Variants in MYO16 observed in about 807,000 individuals in gnomAD.
The protein encoded by MYO16 is unconventional myosin-XVI.
In MYO16, 94 loss-of-function variants were observed where a neutral mutation model predicts 205.3. The ratio of observed to expected loss-of-function variants is 0.46; its 90% CI spans 0.39 to 0.54. The LOEUF is 0.54. Ranked by LOEUF, MYO16 falls within the 20% of genes least tolerant of loss-of-function variation. The pLI, the probability that MYO16 is intolerant of heterozygous loss-of-function variation, is 0.00. For synonymous variants in MYO16, 988 were observed against 954.0 expected, an observed-to-expected ratio of 1.04 and a Z score of -0.66; for missense variants, 2,315 against 2,387.5, an observed-to-expected ratio of 0.97 and a Z score of 0.63.
the MYO16 span, among the ~76,000 whole-genome samples, chr13:108,554,930 A>G: frequency 6.6e-6 from 1 of 151,680 alleles, no homozygotes; most frequent in Non-Finnish European, 1.5e-5. Context: ...ATAAACTTGG[A>G]AGAGATCTGG....
At chr13:108,858,152 G>A (rs913276906) in intron 11 of MYO16, among the ~76,000 whole-genome samples, 3 of 152,188 alleles carry the variant, frequency 2.0e-5, no homozygotes, top group Non-Finnish European at 4.4e-5. Context: ...AGTGTGTAGT[G>A]AAAATAAGTG....
At chr13:108,636,301 A>C (rs1249540889) in intron 1 of MYO16, among the ~76,000 whole-genome samples, 1 of 148,724 alleles carries the variant, frequency 6.7e-6, no homozygotes, top group Non-Finnish European at 1.5e-5. Flanking sequence ...TTTTCTCTTC[A>C]ATATTAAAAT....
intron 1 of MYO16, among the ~76,000 whole-genome samples, chr13:108,599,993 A>G (rs1313138469): frequency 6.6e-6 from 1 of 152,206 alleles, no homozygotes; most frequent in Non-Finnish European, 1.5e-5. Context: ...CTATTTGCAC[A>G]GTCATCCATT....
At chr13:108,679,445 TC>T (rs1406642501) in intron 2 of MYO16, among the ~76,000 whole-genome samples, 1 of 152,176 alleles carries the variant, frequency 6.6e-6, no homozygotes, top group African/African-American at 2.4e-5. Flanking sequence ...TTCCCTGGCT[TC>T]TAGAACAACG....
At chr13:108,784,282 A>G (rs1886393545) in intron 4 of MYO16, among the ~76,000 whole-genome samples, 1 of 152,184 alleles carries the variant, frequency 6.6e-6, no homozygotes, top group South Asian at 2.1e-4. Flanking sequence ...ATGCACTAAC[A>G]AGATAATTTG....
chr13:108,761,181 C>A (rs184576121), intron 4 of MYO16, among the ~76,000 whole-genome samples: 40 of 152,284 alleles, frequency 2.6e-4, no homozygotes, highest in African/African-American at 9.6e-4. Flanking sequence ...GTGACCTTTA[C>A]AGACTGTGCC....
intron 27 of MYO16, among the ~76,000 whole-genome samples, chr13:109,089,174 T>C (rs556909467): frequency 1.3e-4 from 19 of 148,542 alleles, no homozygotes; most frequent in Admixed American, 6.8e-4. Flanking sequence ...GAGTCTTGCC[T>C]TTTTTGTTTT....
intron 7 of MYO16, among the ~76,000 whole-genome samples, chr13:108,814,374 T>G (rs1797340602): frequency 6.6e-6 from 1 of 152,142 alleles, no homozygotes. Context: ...TTCCCTTCCT[T>G]CCTCCTGCCT....
chr13:108,950,092 G>C (rs946872321), intron 16 of MYO16, among the ~76,000 whole-genome samples: 12 of 151,954 alleles, frequency 7.9e-5, no homozygotes, highest in African/African-American at 2.9e-4. Flanking sequence ...ACAATTTTTA[G>C]GGAACAAAAG....
chr13:108,730,909 T>G (rs1884500320), intron 4 of MYO16, among the ~76,000 whole-genome samples: 1 of 152,230 alleles, frequency 6.6e-6, no homozygotes, highest in Non-Finnish European at 1.5e-5. Context: ...CCGCATTTAC[T>G]ATTAAGATTA....
rs954087183 is a variant in MYO16 at position 109,055,276 on chromosome 13, G to C, written c.3130-114G>C. The C allele has an allele frequency of 6.4e-5, 56 of 880,512 alleles. No individual in the cohort carries two copies. Among genetic ancestry groups the C allele is most frequent in the Non-Finnish European group, 9.2e-5 (53 of 574,884 alleles). The allele number at this position is 880,512 out of a possible 1,614,324, so 54.5% of individuals were successfully genotyped here. On this transcript the variant is annotated intron_variant, in intron 26 of 34. Transcript: ENST00000457511. This position sits in a 1 kb window ranked among gnomAD's most constrained non-coding sequence, Gnocchi z 5.0. ...ACACACACACACACACACACACACAGAGTAAATGCATAATGAGATTTAAAG... is the reference window on the plus strand; with the variant it reads ...ACACACACACACACACACACACACACAGTAAATGCATAATGAGATTTAAAG...
At chr13:109,106,963 G>A (rs1036162111) in intron 28 of MYO16, among the ~76,000 whole-genome samples, 18 of 152,134 alleles carry the variant, frequency 1.2e-4, no homozygotes, top group Non-Finnish European at 2.1e-4. Flanking sequence ...ATAACATATC[G>A]TCTATGATTT....
intron 1 of MYO16, among the ~76,000 whole-genome samples, chr13:108,611,292 GA>G (rs555091827): frequency 3.3e-5 from 5 of 151,570 alleles, no homozygotes; most frequent in South Asian, 2.1e-4. Flanking sequence ...AATAAAAAGA[GA>G]AAAAAAGGAC....
intron 16 of MYO16, among the ~76,000 whole-genome samples, chr13:108,940,207 A>G (rs891633436): frequency 1.1e-4 from 17 of 152,184 alleles, no homozygotes; most frequent in African/African-American, 4.1e-4. Context: ...TAAGGGGACA[A>G]GATTCAGATA....
chr13:108,634,962 C>A lies in MYO16; in HGVS notation c.28+5090C>A, dbSNP rs184248597. ...TTAACAACATGGACATCTTTTCTGG[C>A]AAATTATATATCTAGGCATTGTTTC... is the stretch of plus-strand genomic sequence containing the variant. On this transcript the variant is annotated intron_variant, in intron 1 of 34. Transcript: ENST00000457511. Among the ~76,000 whole-genome samples the A allele has an allele frequency of 2.1e-3, 316 of 152,290 alleles. 2 individuals carry two copies. The highest frequency in any genetic ancestry group is 7.1e-3 in the African/African-American group (296 of 41,560).
chr13:108,786,374 A>G (rs576549682), intron 5 of MYO16, among the ~76,000 whole-genome samples: 3 of 152,320 alleles, frequency 2.0e-5, no homozygotes, highest in African/African-American at 7.2e-5. Flanking sequence ...AGTGGGAGGT[A>G]TGAGAATCCC....
At chr13:108,775,744 C>T (rs1398240253) in intron 4 of MYO16, among the ~76,000 whole-genome samples, 1 of 152,116 alleles carries the variant, frequency 6.6e-6, no homozygotes, top group Non-Finnish European at 1.5e-5. Context: ...CAAAAATCAG[C>T]TGTGGGTCTT....
intron 34 of MYO16, among the ~76,000 whole-genome samples, chr13:109,199,184 TA>T (rs1251489566): frequency 3.6e-5 from 4 of 111,776 alleles, no homozygotes; most frequent in African/African-American, 1.3e-4. Context: ...AATGGTTTAA[TA>T]AAAAAGGTAT....
chr13:109,074,310 TG>T lies in MYO16; in HGVS notation c.3335+18716del, dbSNP rs920866500. Among the ~76,000 whole-genome samples, 5 of 152,322 alleles carry T rather than the reference TG, an allele frequency of 3.3e-5. No homozygotes were observed. In the East Asian group the frequency reaches 9.6e-4, roughly 29 times the overall value. ...CCCCAGACAAGCATTGATATGCTTT[TG>T]CCTCCTGTATTAGTCCGTTTTCACA... On this transcript the variant is annotated intron_variant, in intron 27 of 34. Transcript: ENST00000457511.
Sources: allele counts gnomAD v4.1 joint callset (sites outside exome capture counted in the v4.1 genomes callset), GRCh38; gene constraint gnomAD v4.1.1; non-coding constraint Gnocchi (gnomAD v3.1); transcripts MANE v1.5; gene names NCBI Gene and HGNC (gene_info 2026-07-23, HGNC 2026-07-21).